SEMA3D: variants seen among roughly 807,000 people sequenced by gnomAD.
SEMA3D encodes semaphorin-3D.
In SEMA3D, 84 loss-of-function variants were observed where a neutral mutation model predicts 100.1. The observed-to-expected ratio is 0.84, with a 90% CI of 0.70 to 1.01. The LOEUF (loss-of-function observed/expected upper bound fraction) is 1.01. Among genes scored for constraint, SEMA3D ranks in the 50% least tolerant of loss-of-function variants. SEMA3D has a pLI of 0.00. For synonymous variants in SEMA3D, 312 were observed against 320.7 expected (o/e 0.97, Z 0.29); for missense variants, 875 against 934.1 (o/e 0.94, Z 0.82).
chr7:85,216,357 TTGTGTG>T, the SEMA3D span, among the ~76,000 whole-genome samples: 975 of 146,260 alleles, frequency 6.7e-3, 11 homozygotes, highest in African/African-American at 0.023. Flanking sequence ...AATAAGAGTG[TTGTGTG>T]TGTGTGTGTG....
chr7:85,018,233 T>C lies in SEMA3D; in HGVS notation c.1545+19A>G, dbSNP rs189348335. On this transcript the variant is annotated intron_variant, in intron 15 of 18. Transcript: ENST00000284136. The stretch of plus-strand genomic sequence containing the variant: ...CCATTGCTTTTGTGATTAACTTTCA[T>C]ACAAAAGTTAAAAAGTACCTGCTTC... The C allele has an allele frequency of 1.3e-3, 1,997 of 1,535,294 alleles. 2 individuals carry two copies. Among genetic ancestry groups the C allele is most frequent in the Middle Eastern group, 1.7e-3 (10 of 5,872 alleles).
chr7:85,186,690 CTT>C lies in SEMA3D; in HGVS notation c.-187_-186del, dbSNP rs2116594332. 6.6e-6 allele frequency: 1 copy of C among 152,492 alleles called. No homozygotes were observed. Among genetic ancestry groups the C allele is most frequent in the East Asian group, 1.9e-4 (1 of 5,178 alleles). 9.4% of individuals were successfully genotyped at this position (152,492 alleles called of 1,614,324 possible). A position where few individuals can be genotyped will look rare whatever the true frequency, so the allele number is the denominator to read the frequency against. ...AAACCAGACTTACCTGCTGTGAACT[CTT>C]CTCTCCCTCTCTCTTTTCCTGGTGC... On this transcript the variant is annotated 5_prime_UTR_variant, in exon 1 of 19. Coordinates refer to ENST00000284136, the MANE Select transcript of SEMA3D (RefSeq NM_001384900.1).
chr7:85,213,797 TAA>T, the SEMA3D span, among the ~76,000 whole-genome samples: 1 of 152,196 alleles, frequency 6.6e-6, no homozygotes, highest in Non-Finnish European at 1.5e-5. Context: ...CTGCATTTGA[TAA>T]GTGTGTTTTA....
intron 2 of SEMA3D, among the ~76,000 whole-genome samples, chr7:85,125,394 C>G (rs1222379971): frequency 6.6e-6 from 1 of 151,956 alleles, no homozygotes; most frequent in Non-Finnish European, 1.5e-5. Flanking sequence ...CCTCTAACAT[C>G]GTAAGTTAAG....
At chr7:85,037,625 T>G (rs1214045159) in intron 11 of SEMA3D, among the ~76,000 whole-genome samples, 1 of 152,116 alleles carries the variant, frequency 6.6e-6, no homozygotes, top group African/African-American at 2.4e-5. Context: ...TTTAAAATGT[T>G]GAAACAATCT....
chr7:85,086,630 CCGTG>C lies in SEMA3D; in HGVS notation c.313-5055_313-5052del, dbSNP rs1562812003. Among the ~76,000 whole-genome samples the C allele has an allele frequency of 7.6e-3, 1,092 of 144,170 alleles. 16 individuals are homozygous for C. The highest frequency in any genetic ancestry group is 0.03 in the African/African-American group (1,057 of 35,586). 94.6% of individuals were successfully genotyped at this position (144,170 alleles called of 152,430 possible). A position where few individuals can be genotyped will look rare whatever the true frequency, so the allele number is the denominator to read the frequency against. On this transcript the variant is annotated intron_variant, in intron 4 of 18. Coordinates refer to ENST00000284136, the MANE Select transcript of SEMA3D (RefSeq NM_001384900.1). Reference sequence around the variant, plus strand: ...CTAGTCTCTTTCTCTCTCTCTCTCTCCGTGTGTGTGTGTGTGTGTGTGTGTGTGT... The same window carrying C: ...CTAGTCTCTTTCTCTCTCTCTCTCTCTGTGTGTGTGTGTGTGTGTGTGTGT...
At chr7:85,197,463 C>A in the SEMA3D span, among the ~76,000 whole-genome samples, 179 of 152,042 alleles carry the variant, frequency 1.2e-3, 1 homozygote, top group African/African-American at 3.8e-3. Context: ...TGGAAACCCC[C>A]ACCACCCCCA....
At chr7:85,038,814 C>T (rs1349540382) in intron 11 of SEMA3D, among the ~76,000 whole-genome samples, 1 of 152,094 alleles carries the variant, frequency 6.6e-6, no homozygotes, top group African/African-American at 2.4e-5. Context: ...AGGATATCTT[C>T]TTTATTCTCA....
chr7:85,115,060 T>A (rs1158891825), intron 3 of SEMA3D, among the ~76,000 whole-genome samples: 1 of 152,244 alleles, frequency 6.6e-6, no homozygotes, highest in Non-Finnish European at 1.5e-5. Context: ...GTACATGTAA[T>A]CTTCTTCAAC....
At chr7:85,222,714 T>A in the SEMA3D span, among the ~76,000 whole-genome samples, 1 of 152,202 alleles carries the variant, frequency 6.6e-6, no homozygotes, top group South Asian at 2.1e-4. Flanking sequence ...TATACTGTAC[T>A]AGGAGTTCAT....
At position 85,132,917 on chromosome 7, in the gene SEMA3D, C is replaced by T. The variant is rs557618981; in HGVS notation, c.-40-10986G>A. On this transcript the variant is annotated intron_variant, in intron 2 of 18. Coordinates refer to ENST00000284136, the MANE Select transcript of SEMA3D (RefSeq NM_001384900.1). Reference sequence around the variant, plus strand: ...TCATCTCTTTTACATTCTCTTAATACGTATAAGGGAGTAGTTCCTGGACTA... The same window carrying T: ...TCATCTCTTTTACATTCTCTTAATATGTATAAGGGAGTAGTTCCTGGACTA... Among the ~76,000 whole-genome samples the T allele has an allele frequency of 7.2e-5, 11 of 151,872 alleles. No homozygotes were observed. In the East Asian group the frequency reaches 1.2e-3, roughly 16 times the overall value.
intron 7 of SEMA3D, among the ~76,000 whole-genome samples, chr7:85,066,913 C>CATACACACACACACAGAG: frequency 7.8e-6 from 1 of 127,760 alleles, no homozygotes; most frequent in African/African-American, 3.2e-5. Flanking sequence ...CACACACACA[C>CATACACACACACACAGAG]AGAGAGAGAG....
At position 85,055,755 on chromosome 7, in the gene SEMA3D, C is replaced by T. The variant is rs780036482; in HGVS notation, c.823G>A (p.Asp275Asn). 1.2e-5 allele frequency: 18 copies of T among 1,555,158 alleles called. No homozygotes were observed. The highest frequency in any genetic ancestry group is 1.7e-4 in the Middle Eastern group (1 of 5,896). The change falls in exon 9 of 19, where the codon GAT (aspartate) becomes AAT (asparagine). Residue 275 changes from aspartate to asparagine, a missense_variant. By Grantham distance (23) the Asp-to-Asn change is conservative (BLOSUM62 1). Coordinates refer to ENST00000284136, the MANE Select transcript of SEMA3D (RefSeq NM_001384900.1). ...CCAACTCGAGAAAGGATGGTTTTAT[C>T]GGAGGTACTGCCTTCTTGAGATGAT... ...RESSQEGSTS[D>N]KTILSRVGRV...
chr7:85,172,052 G>A (rs1402226045), intron 1 of SEMA3D, among the ~76,000 whole-genome samples: 2 of 151,658 alleles, frequency 1.3e-5, no homozygotes, highest in East Asian at 1.9e-4. Flanking sequence ...ATGAGTAAAG[G>A]CTTCTTTTCC....
intron 4 of SEMA3D, among the ~76,000 whole-genome samples, chr7:85,094,738 T>G (rs1467132621): frequency 1.3e-5 from 2 of 151,912 alleles, no homozygotes; most frequent in Admixed American, 1.3e-4. Flanking sequence ...GTCAAATCAA[T>G]GGGCATCATC....
rs1051449442 is a variant in SEMA3D at position 85,022,410 on chromosome 7, A to G, written c.1395T>C (p.Asp465=). Residue 465 remains aspartate, a synonymous_variant, in exon 13 of 19, where the codon GAT becomes GAC. Transcript: ENST00000284136. ...DHVIAEDGQY[D]VMFLGTDIGT... ...GCTTACCTGTTCCAAGAAACATTAC[A>G]TCGTACTGGCCATCTTCTGCAATGA... 1 of 1,611,508 alleles carries G rather than the reference A, an allele frequency of 6.2e-7. No individual in the cohort carries two copies. Among genetic ancestry groups the G allele is most frequent in the African/African-American group, 1.3e-5 (1 of 74,894 alleles).
rs141869382 is a variant in SEMA3D at position 85,110,280 on chromosome 7, A to G, written c.151+11461T>C. Among the ~76,000 whole-genome samples, 5 of 152,148 alleles carry G rather than the reference A, an allele frequency of 3.3e-5. No homozygotes were observed. In the East Asian group the frequency reaches 9.6e-4, roughly 29 times the overall value. On this transcript the variant is annotated intron_variant, in intron 3 of 18. Transcript: ENST00000284136. The stretch of plus-strand genomic sequence containing the variant: ...CAATGTTAAATGGATTGCAATTATT[A>G]TCATATAAAGGGGTTGCATACAGGT...
chr7:85,159,197 T>A (rs1583977752), intron 1 of SEMA3D, among the ~76,000 whole-genome samples: 1 of 152,156 alleles, frequency 6.6e-6, no homozygotes, highest in South Asian at 2.1e-4. Flanking sequence ...ATAAATCAAC[T>A]GTCAGTAAGG....
At chr7:85,118,598 T>C (rs1789314352) in intron 3 of SEMA3D, among the ~76,000 whole-genome samples, 2 of 152,166 alleles carry the variant, frequency 1.3e-5, no homozygotes, top group Non-Finnish European at 1.5e-5. Context: ...ACAGTAGGAA[T>C]AGAACAGCTG....
Sources: gnomAD v4.1 joint callset for allele counts (sites outside exome capture counted in the v4.1 genomes callset) on GRCh38, gnomAD v4.1.1 for gene constraint, MANE v1.5 for transcripts, NCBI Gene and HGNC (gene_info 2026-07-23, HGNC 2026-07-21) for gene names.